ACYP2: variants seen among roughly 807,000 people sequenced by gnomAD.
The protein encoded by ACYP2 is acylphosphatase-2.
In ACYP2, 12 loss-of-function variants were observed where a neutral mutation model predicts 11.2. That is an observed-to-expected ratio of 1.08 (90% CI 0.69 to 1.74). The LOEUF (loss-of-function observed/expected upper bound fraction) is 1.74. ACYP2 is among the 40% of genes most tolerant of loss of function. The pLI is 0.00. For missense variants in ACYP2, 134 were observed against 101.9 expected, an observed-to-expected ratio of 1.31 and a Z score of -1.35; for synonymous variants, 43 against 32.2, an observed-to-expected ratio of 1.33 and a Z score of -1.13.
chr2:54,229,181 T>C (rs1250818120), intron 6 of ACYP2, among the ~76,000 whole-genome samples: 2 of 152,212 alleles, frequency 1.3e-5, no homozygotes, highest in Non-Finnish European at 2.9e-5. Context: ...TATTTCTCCA[T>C]TGTGGCAGCT....
chr2:53,971,615 C>T (rs1201845164), intron 1 of ACYP2, among the ~76,000 whole-genome samples: 1 of 152,114 alleles, frequency 6.6e-6, no homozygotes, highest in Non-Finnish European at 1.5e-5. Flanking sequence ...TTCCGCCCTC[C>T]CAAGGACTTA....
intron 6 of ACYP2, among the ~76,000 whole-genome samples, chr2:54,239,269 C>T (rs574430221): frequency 1.3e-5 from 2 of 152,238 alleles, no homozygotes; most frequent in South Asian, 2.1e-4. Flanking sequence ...CCAGGAATGT[C>T]TCAAAGGGAT....
At chr2:54,283,354 T>C (rs563168132) in intron 6 of ACYP2, among the ~76,000 whole-genome samples, 15 of 152,300 alleles carry the variant, frequency 9.8e-5, no homozygotes, top group Non-Finnish European at 1.3e-4. Context: ...GGGCTGAGCA[T>C]TGAGGGCAGA....
intron 6 of ACYP2, among the ~76,000 whole-genome samples, chr2:54,227,511 G>A (rs1222263607): frequency 6.6e-5 from 10 of 151,846 alleles, no homozygotes; most frequent in South Asian, 6.2e-4. Flanking sequence ...ATGGTGGCGC[G>A]TGCCTGTAGT....
chr2:54,029,960 T>C (rs1674495919), intron 2 of ACYP2: 1 of 275,552 alleles, frequency 3.6e-6, no homozygotes. Context: ...AATTTATTGC[T>C]GTAACCAGAT....
At chr2:54,242,332 C>T (rs1422828732) in intron 6 of ACYP2, among the ~76,000 whole-genome samples, 2 of 152,218 alleles carry the variant, frequency 1.3e-5, no homozygotes, top group Admixed American at 6.5e-5. Flanking sequence ...GATGACTTTG[C>T]TCATCATTGA....
At chr2:54,093,171 T>C (rs539403174) in intron 4 of ACYP2, among the ~76,000 whole-genome samples, 1 of 152,182 alleles carries the variant, frequency 6.6e-6, no homozygotes, top group South Asian at 2.1e-4. Context: ...CCTAAGACAT[T>C]AGGGCAATGC....
chr2:54,258,362 A>G lies in ACYP2; in HGVS notation c.405-46326A>G, dbSNP rs140373851. ...TCCTGGAGGAGAGCATTTCAGCACG[A>G]GAAGTGCTAAGCAGAGGCACTAAGA... is the stretch of plus-strand genomic sequence containing the variant. On this transcript the variant is annotated intron_variant, in intron 6 of 6. Transcript: ENST00000607452. Among the ~76,000 whole-genome samples the G allele has an allele frequency of 8.1e-3, 1,228 of 152,334 alleles. 12 individuals are homozygous for G. The highest frequency in any genetic ancestry group is 0.013 in the Non-Finnish European group (891 of 68,030).
chr2:54,201,364 C>G (rs534978825), intron 6 of ACYP2, among the ~76,000 whole-genome samples: 2 of 152,286 alleles, frequency 1.3e-5, no homozygotes, highest in East Asian at 3.9e-4. Context: ...CTTGGCCTCC[C>G]AAAGTGCTGA....
chr2:54,106,686 C>T (rs1481166041), intron 4 of ACYP2, among the ~76,000 whole-genome samples: 2 of 152,048 alleles, frequency 1.3e-5, no homozygotes, highest in South Asian at 4.2e-4. Flanking sequence ...TGGGTTCAAG[C>T]GATTCTCCTG....
intron 4 of ACYP2, among the ~76,000 whole-genome samples, chr2:54,095,654 C>CG (rs1427012275): frequency 6.5e-5 from 9 of 137,642 alleles, no homozygotes; most frequent in South Asian, 2.3e-4. Flanking sequence ...GCTGGCCGCG[C>CG]GGGGGGCTGA....
At chr2:54,050,863 C>A in intron 2 of ACYP2, 1 of 376,458 alleles carries the variant, frequency 2.7e-6, no homozygotes, top group Non-Finnish European at 4.7e-6. Context: ...CAGCCTTGAA[C>A]TCCTGGGCTC....
At chr2:54,097,880 C>G (rs1401427222) in intron 4 of ACYP2, among the ~76,000 whole-genome samples, 1 of 127,422 alleles carries the variant, frequency 7.8e-6, no homozygotes, top group Non-Finnish European at 1.7e-5. Context: ...TTCTCTCTCT[C>G]TCTCTCCCCT....
chr2:54,074,352 T>C (rs1249448265), intron 4 of ACYP2, among the ~76,000 whole-genome samples: 1 of 151,900 alleles, frequency 6.6e-6, no homozygotes, highest in Non-Finnish European at 1.5e-5. Context: ...CTCTAAAAAA[T>C]AAATAAATAC....
In ACYP2 at chr2:54,075,873, C is replaced by T. The variant is rs531611168; in HGVS notation, c.277+18513C>T. 2.2e-4 allele frequency among the ~76,000 whole-genome samples: 34 copies of T among 151,968 alleles called. No individual in the cohort carries two copies. In the South Asian group the frequency reaches 3.5e-3, roughly 16 times the overall value. On this transcript the variant is annotated intron_variant, in intron 4 of 6. Coordinates refer to ENST00000607452, the MANE Select transcript of ACYP2 (RefSeq NM_001320586.2). Reference sequence around the variant, plus strand: ...ATTTACCTCTAGAAGTTTCCCTTTTCGTAAACCTTTTACATAACTAAAGGT... The same window carrying T: ...ATTTACCTCTAGAAGTTTCCCTTTTTGTAAACCTTTTACATAACTAAAGGT...
At chr2:54,084,538 T>G (rs1481004839) in intron 4 of ACYP2, 1 of 152,198 alleles carries the variant, frequency 6.6e-6, no homozygotes, top group Non-Finnish European at 1.5e-5. Context: ...GTGATCCACC[T>G]GCCTCCACCT....
intron 4 of ACYP2, among the ~76,000 whole-genome samples, chr2:54,133,580 T>A (rs528468175): frequency 6.6e-6 from 1 of 152,332 alleles, no homozygotes; most frequent in East Asian, 1.9e-4. Flanking sequence ...TAGGCCTATT[T>A]TAACCAACTC....
chr2:54,081,431 A>G (rs1455297172), intron 4 of ACYP2, among the ~76,000 whole-genome samples: 1 of 152,086 alleles, frequency 6.6e-6, no homozygotes, highest in African/African-American at 2.4e-5. Context: ...TACCTTCTCT[A>G]TGTTTAGATA....
intron 6 of ACYP2, among the ~76,000 whole-genome samples, chr2:54,224,211 C>T (rs1370322843): frequency 1.3e-5 from 2 of 152,246 alleles, no homozygotes; most frequent in South Asian, 2.1e-4. Flanking sequence ...CATTCAGCCA[C>T]ACTGGCATGC....
Sources: allele counts gnomAD v4.1 joint callset (sites outside exome capture counted in the v4.1 genomes callset), GRCh38; gene constraint gnomAD v4.1.1; transcripts MANE v1.5; gene names NCBI Gene and HGNC (gene_info 2026-07-23, HGNC 2026-07-21).